RASSF2: variants seen among roughly 807,000 people sequenced by gnomAD.
RASSF2 encodes ras association domain-containing protein 2.
Under a neutral mutation model 46.3 loss-of-function variants are expected in RASSF2, and 34 were observed. The observed-to-expected ratio is 0.73, with a 90% confidence interval of 0.56 to 0.98. The LOEUF (loss-of-function observed/expected upper bound fraction) is 0.98. Among genes scored for constraint, RASSF2 ranks in the 50% least tolerant of loss-of-function variants. RASSF2 has a pLI of 0.00. For synonymous variants in RASSF2, 158 were observed against 162.5 expected (o/e 0.97, Z 0.21); for missense variants, 364 against 431.2 (o/e 0.84, Z 1.38).
At chr20:4,789,273 TGA>T (rs971852062) in intron 8 of RASSF2, among the ~76,000 whole-genome samples, 2 of 152,204 alleles carry the variant, frequency 1.3e-5, no homozygotes, top group African/African-American at 2.4e-5. Flanking sequence ...ATAAAGGATT[TGA>T]GGGCTGATGT....
At chr20:4,797,185 G>A (rs1003698340) in intron 4 of RASSF2, among the ~76,000 whole-genome samples, 2 of 152,154 alleles carry the variant, frequency 1.3e-5, no homozygotes, top group Non-Finnish European at 1.5e-5. Context: ...ACAATTGTAG[G>A]TCAAAATTTA....
At chr20:4,811,180 C>T (rs1927763021) in intron 2 of RASSF2, among the ~76,000 whole-genome samples, 1 of 76,250 alleles carries the variant, frequency 1.3e-5, no homozygotes, top group African/African-American at 4.3e-5. Flanking sequence ...GACCCCATCT[C>T]TACAAAAAAT....
At chr20:4,804,835 G>A (rs1927211036) in intron 2 of RASSF2, among the ~76,000 whole-genome samples, 1 of 152,174 alleles carries the variant, frequency 6.6e-6, no homozygotes, top group East Asian at 1.9e-4. Context: ...GGAGGGGGAT[G>A]TGTGGGGGCA....
chr20:4,799,805 T>C (rs989839918), intron 3 of RASSF2, among the ~76,000 whole-genome samples: 1 of 152,212 alleles, frequency 6.6e-6, no homozygotes, highest in Non-Finnish European at 1.5e-5. Flanking sequence ...ATAAATTAAA[T>C]ATTTCGTTAA....
chr20:4,813,284 A>AT (rs934508558), intron 2 of RASSF2, among the ~76,000 whole-genome samples: 3 of 151,986 alleles, frequency 2.0e-5, no homozygotes, highest in Admixed American at 6.5e-5. Flanking sequence ...AGCAAGGGCC[A>AT]TGCTGGGGTT....
intron 2 of RASSF2, among the ~76,000 whole-genome samples, chr20:4,811,249 G>GTGCACCCCTGTAGT (rs1555792683): frequency 6.6e-6 from 1 of 151,342 alleles, no homozygotes. Context: ...TACTCAGGAG[G>GTGCACCCCTGTAGT]CTGAGATAGG....
At chr20:4,818,497 C>T (rs969881895) in intron 2 of RASSF2, among the ~76,000 whole-genome samples, 3 of 152,166 alleles carry the variant, frequency 2.0e-5, no homozygotes, top group Admixed American at 6.5e-5. Flanking sequence ...ATCCTACTGG[C>T]TCCCAAGTGC....
Position 4,792,615 on chromosome 20 carries a change from C to T in RASSF2, c.300G>A (p.Lys100=), listed in dbSNP as rs768359812. Residue 100 remains lysine (K), a synonymous_variant, in exon 6 of 12, where the codon AAG becomes AAA. Coordinates refer to ENST00000379400, the MANE Select transcript of RASSF2 (RefSeq NM_014737.3). ...CNLGAQGTTL[K]PLTVPKVQIS... Reference sequence around the variant, plus strand: ...TCTGAACTTTGGGCACAGTCAGGGGCTTCAGAGTGGTTCTGGGAGTGGAGA... The same window carrying T: ...TCTGAACTTTGGGCACAGTCAGGGGTTTCAGAGTGGTTCTGGGAGTGGAGA... The T allele has an allele frequency of 1.1e-5, 17 of 1,613,674 alleles. No homozygotes were observed. Among genetic ancestry groups the T allele is most frequent in the African/African-American group, 1.3e-5 (1 of 74,822 alleles).
intron 9 of RASSF2, 142 bp from the exon 10 acceptor site, chr20:4,787,896 G>A: frequency 9.4e-7 from 1 of 1,066,850 alleles, no homozygotes; most frequent in Non-Finnish European, 1.4e-6. Flanking sequence ...TTCCATAGGT[G>A]TTGTGAAAAG....
intron 3 of RASSF2, among the ~76,000 whole-genome samples, 164 bp from the exon 4 acceptor site, chr20:4,798,249 A>G (rs2281640): frequency 0.16 from 23,736 of 151,984 alleles, 1,918 homozygotes; most frequent in East Asian, 0.19. Flanking sequence ...GAGTTCTGCC[A>G]CCACCACCCC....
rs111841670 is a variant in RASSF2 at position 4,806,057 on chromosome 20, G to A, written c.-32-4995C>T. On this transcript the variant is annotated intron_variant, in intron 2 of 11. Transcript: ENST00000379400. ...GTCATCGGGAAAGAACAGAAGGGGT[G>A]AAGGGGACAGGGCCTAGAGCAGGGT... 5.7e-3 allele frequency among the ~76,000 whole-genome samples: 864 copies of A among 152,292 alleles called. 12 individuals carry two copies. Among genetic ancestry groups the A allele is most frequent in the African/African-American group, 0.02 (837 of 41,566 alleles).
intron 11 of RASSF2, among the ~76,000 whole-genome samples, chr20:4,785,739 A>AG (rs1249912321): frequency 6.6e-6 from 1 of 152,064 alleles, no homozygotes; most frequent in Non-Finnish European, 1.5e-5. Context: ...CCTTCAGGCA[A>AG]GGGGTGGTAA....
intron 4 of RASSF2, among the ~76,000 whole-genome samples, chr20:4,797,756 C>T (rs1000682662): frequency 6.6e-6 from 1 of 152,124 alleles, no homozygotes; most frequent in African/African-American, 2.4e-5. Context: ...GAGAATCTCC[C>T]CCATGAGACT....
At chr20:4,800,580 C>G (rs1926775899) in intron 3 of RASSF2, among the ~76,000 whole-genome samples, 1 of 152,118 alleles carries the variant, frequency 6.6e-6, no homozygotes, top group African/African-American at 2.4e-5. Context: ...TCCCAGAGGC[C>G]CCACCTCTTA....
Position 4,801,073 on chromosome 20 carries a change from AAGG to A in RASSF2, c.-32-14_-32-12del, listed in dbSNP as rs759963111. On this transcript the variant is annotated splice_polypyrimidine_tract_variant and intron_variant, in intron 2 of 11. Coordinates refer to ENST00000379400, the MANE Select transcript of RASSF2 (RefSeq NM_014737.3). ...ATCGGAAGGAGAGGCCTACATTTGG[AAGG>A]AGAAGACAGAGGTTAAAGTCAAGTT... is the stretch of plus-strand genomic sequence containing the variant. 2.5e-4 allele frequency: 398 copies of A among 1,605,454 alleles called. No homozygotes were observed. The highest frequency in any genetic ancestry group is 3.4e-5 in the Non-Finnish European group (40 of 1,172,504).
Position 4,784,217 on chromosome 20 carries a change from G to C in RASSF2, c.*56C>G. 6.6e-7 allele frequency: 1 copy of C among 1,515,668 alleles called. No homozygotes were observed. Among genetic ancestry groups the C allele is most frequent in the Non-Finnish European group, 9.2e-7 (1 of 1,090,498 alleles). 93.9% of individuals were successfully genotyped at this position (1,515,668 alleles called of 1,614,324 possible). ...GGAAAGAAAGTGCCTAGCTTCCTGG[G>C]GGTCTTATGGGCAATGGCGGTTCCT... On this transcript the variant is annotated 3_prime_UTR_variant, in exon 12 of 12. Transcript: ENST00000379400.
chr20:4,809,926 G>T (rs1927637304), intron 2 of RASSF2, among the ~76,000 whole-genome samples: 1 of 152,188 alleles, frequency 6.6e-6, no homozygotes, highest in Non-Finnish European at 1.5e-5. Flanking sequence ...ATTGGCAGAG[G>T]GACAGCCCGT....
At chr20:4,820,109 C>T (rs763620275) in intron 2 of RASSF2, among the ~76,000 whole-genome samples, 61 of 152,332 alleles carry the variant, frequency 4.0e-4, no homozygotes, top group Admixed American at 1.8e-3. Flanking sequence ...CACCAACCCC[C>T]GCCTCACACG....
chr20:4,817,715 A>G (rs1045170483), intron 2 of RASSF2, among the ~76,000 whole-genome samples: 1 of 152,174 alleles, frequency 6.6e-6, no homozygotes, highest in Admixed American at 6.5e-5. Flanking sequence ...GCAGGATTAT[A>G]CTGGGTTAAT....
Sources: allele counts gnomAD v4.1 joint callset (sites outside exome capture counted in the v4.1 genomes callset), GRCh38; gene constraint gnomAD v4.1.1; transcripts MANE v1.5; gene names NCBI Gene and HGNC (gene_info 2026-07-23, HGNC 2026-07-21).